Variants in RYR2 observed in about 807,000 individuals in gnomAD.
The protein encoded by RYR2 is ryanodine receptor 2.
In RYR2, 227 loss-of-function variants were observed where a neutral mutation model predicts 601.1. The ratio of observed to expected loss-of-function variants is 0.38; its 90% CI spans 0.34 to 0.42. The LOEUF is 0.42. RYR2 is among the 10% of genes least tolerant of loss of function. RYR2 has a pLI of 1.00. For synonymous variants in RYR2, 2,223 were observed against 2,175.1 expected (o/e 1.02, Z -0.61); for missense variants, 4,646 against 6,156.5 (o/e 0.75, Z 8.21).
chr1:237,288,628 C>T (rs12565306), intron 2 of RYR2, among the ~76,000 whole-genome samples: 84,710 of 151,728 alleles, frequency 0.56, 24,134 homozygotes, highest in African/African-American at 0.65. Flanking sequence ...CCAGCTCCCA[C>T]GCAAACAGAA....
chr1:237,730,200 C>A, intron 76 of RYR2, 60 bp from the exon 77 acceptor site: 3 of 906,908 alleles, frequency 3.3e-6, no homozygotes, highest in Non-Finnish European at 5.6e-6. Flanking sequence ...AAGCACTACT[C>A]AATACAATTT....
chr1:237,282,448 C>T (rs975389673), intron 2 of RYR2, among the ~76,000 whole-genome samples: 2 of 151,938 alleles, frequency 1.3e-5, no homozygotes, highest in African/African-American at 4.8e-5. Flanking sequence ...ATTCTTAACT[C>T]TTGGGCTGTG....
intron 87 of RYR2, 83 bp from the exon 88 acceptor site, chr1:237,778,583 T>G (rs754431948): frequency 1.5e-6 from 1 of 652,282 alleles, no homozygotes; most frequent in Middle Eastern, 2.6e-4. Flanking sequence ...CAGCACTAAG[T>G]CAACTTTTCC....
intron 25 of RYR2, among the ~76,000 whole-genome samples, chr1:237,543,556 A>G (rs1407724529): frequency 1.3e-5 from 2 of 152,172 alleles, no homozygotes; most frequent in Admixed American, 6.5e-5. Flanking sequence ...AGGTACTTGA[A>G]GGGCTGATTT....
chr1:237,166,576 G>C (rs1388146034), intron 1 of RYR2, among the ~76,000 whole-genome samples: 2 of 152,068 alleles, frequency 1.3e-5, no homozygotes, highest in African/African-American at 4.8e-5. Flanking sequence ...AACAAAGTTA[G>C]TCATTGAAAA....
intron 71 of RYR2, 97 bp downstream of exon 71, chr1:237,711,934 G>T (rs1688877692): frequency 1.5e-6 from 1 of 671,822 alleles, no homozygotes; most frequent in Non-Finnish European, 2.7e-6. Context: ...TTTGTAACTG[G>T]AATCTGACAG....
At chr1:237,133,352 T>A (rs1672363778) in intron 1 of RYR2, among the ~76,000 whole-genome samples, 1 of 152,110 alleles carries the variant, frequency 6.6e-6, no homozygotes, top group Non-Finnish European at 1.5e-5. Flanking sequence ...GACCATTGGT[T>A]TAGAATGCAT....
At chr1:237,308,504 C>T (rs760783958) in intron 2 of RYR2, among the ~76,000 whole-genome samples, 4 of 152,202 alleles carry the variant, frequency 2.6e-5, no homozygotes, top group Non-Finnish European at 4.4e-5. Flanking sequence ...TTGGTGGGTT[C>T]TTGGTCTCAA....
At chr1:237,068,311 G>C (rs541434354) in intron 1 of RYR2, among the ~76,000 whole-genome samples, 47 of 152,166 alleles carry the variant, frequency 3.1e-4, no homozygotes, top group Non-Finnish European at 5.4e-4. Context: ...ATATAAATGG[G>C]ATACCTATAA....
intron 1 of RYR2, among the ~76,000 whole-genome samples, chr1:237,148,118 C>A (rs1046454604): frequency 3.3e-5 from 5 of 152,150 alleles, no homozygotes; most frequent in African/African-American, 1.2e-4. Flanking sequence ...CATGGGCCTG[C>A]AGATGGACTT....
rs116757547 is a variant in RYR2 at position 237,632,307 on chromosome 1, G to A, written c.6555+766G>A. ...ATCCTCCATGACACAGACATTGGTT[G>A]GTTTCACTTAATTTCCAATCCAGAT... On this transcript the variant is annotated intron_variant, in intron 42 of 104. Coordinates refer to ENST00000366574, the MANE Select transcript of RYR2 (RefSeq NM_001035.3). Among the ~76,000 whole-genome samples the A allele has an allele frequency of 9.2e-3, 1,403 of 151,890 alleles. 25 individuals are homozygous for A. The highest frequency in any genetic ancestry group is 0.033 in the African/African-American group (1,354 of 41,442).
At chr1:237,602,165 C>T in intron 35 of RYR2, 54 bp downstream of exon 35, 2 of 1,357,302 alleles carry the variant, frequency 1.5e-6, no homozygotes, top group Non-Finnish European at 2.1e-6. Context: ...TAGGATATAG[C>T]ATTGATTTAT....
chr1:237,591,827 T>C lies in RYR2; in HGVS notation c.4249T>C (p.Tyr1417His). ...EDVLADDRDD[Y>H]DFLMQTSTYY... ...TGTCCTTGCTGATGATCGGGATGAC[T>C]ATGATTTCTTGATGCAAACGTCCAC... Residue 1417 changes from tyrosine (Y) to histidine (H), a missense_variant, in exon 32 of 105, where the codon TAT (tyrosine) becomes CAT (histidine). Tyr to His is a moderately conservative substitution (Grantham distance 83, BLOSUM62 2). This residue lies in a region of RYR2 where 1,807 missense variants were observed against 2,088.1 expected (regional missense o/e 0.87). Coordinates refer to ENST00000366574, the MANE Select transcript of RYR2 (RefSeq NM_001035.3). 1 of 1,613,266 alleles carries C rather than the reference T, an allele frequency of 6.2e-7. No homozygotes were observed. The highest frequency in any genetic ancestry group is 8.5e-7 in the Non-Finnish European group (1 of 1,179,604).
chr1:237,424,242 A>G (rs1463783223), intron 12 of RYR2, among the ~76,000 whole-genome samples: 1 of 152,214 alleles, frequency 6.6e-6, no homozygotes, highest in African/African-American at 2.4e-5. Flanking sequence ...GATTGGAACA[A>G]TATTAAACTA....
chr1:237,133,189 G>A (rs1056416677), intron 1 of RYR2, among the ~76,000 whole-genome samples: 1 of 152,110 alleles, frequency 6.6e-6, no homozygotes, highest in Non-Finnish European at 1.5e-5. Flanking sequence ...TGAGATGCTT[G>A]GAATTGGGGC....
At chr1:237,266,715 C>G (rs939596862) in intron 1 of RYR2, among the ~76,000 whole-genome samples, 4 of 152,318 alleles carry the variant, frequency 2.6e-5, no homozygotes, top group African/African-American at 7.2e-5. Flanking sequence ...ATGAGTATGT[C>G]AGATTAGGTT....
At position 237,632,562 on chromosome 1, in the gene RYR2, T is replaced by C. The variant is rs144743436; in HGVS notation, c.6556-1016T>C. Among the ~76,000 whole-genome samples the C allele has an allele frequency of 6.6e-3, 1,006 of 151,962 alleles. 11 individuals are homozygous for C. Among genetic ancestry groups the C allele is most frequent in the African/African-American group, 0.022 (925 of 41,462 alleles). On this transcript the variant is annotated intron_variant, in intron 42 of 104. Coordinates refer to ENST00000366574, the MANE Select transcript of RYR2 (RefSeq NM_001035.3). The stretch of plus-strand genomic sequence containing the variant: ...GGCGCCCACCACCATTCCCTGCTAA[T>C]TTTTTTGGTATTTTTAGTAGAAATG...
At chr1:237,648,713 ATGTT>A in intron 49 of RYR2, 100 bp downstream of exon 49, 1 of 1,299,990 alleles carries the variant, frequency 7.7e-7, no homozygotes, top group Non-Finnish European at 1.0e-6. Flanking sequence ...TTGACAATGA[ATGTT>A]TATTGAGTAC....
chr1:237,238,243 T>C (rs560127821), intron 1 of RYR2, among the ~76,000 whole-genome samples: 2 of 152,214 alleles, frequency 1.3e-5, no homozygotes, highest in Admixed American at 6.5e-5. Flanking sequence ...AGTGCTGGGA[T>C]TACAGGCGTG....
Sources: allele counts gnomAD v4.1 joint callset (sites outside exome capture counted in the v4.1 genomes callset), GRCh38; gene constraint gnomAD v4.1.1; regional missense constraint gnomAD v4.1.1; transcripts MANE v1.5; gene names NCBI Gene and HGNC (gene_info 2026-07-23, HGNC 2026-07-21).